The following PODXL variants were observed in gnomAD, a reference collection of about 807,000 sequenced individuals.
The protein encoded by PODXL is podocalyxin like.
PODXL carries 20 observed loss-of-function variants against 48.9 expected under a neutral mutation model. The observed-to-expected ratio is 0.41, with a 90% CI of 0.29 to 0.59. The LOEUF is 0.59. Among genes scored for constraint, PODXL ranks in the 20% least tolerant of loss-of-function variants. The pLI is 0.31. For missense variants in PODXL, 606 were observed against 675.1 expected, an observed-to-expected ratio of 0.90 and a Z score of 1.13; for synonymous variants, 295 against 287.4, an observed-to-expected ratio of 1.03 and a Z score of -0.27.
At chr7:131,536,322 G>T (rs1798373300) in intron 1 of PODXL, among the ~76,000 whole-genome samples, 1 of 152,202 alleles carries the variant, frequency 6.6e-6, no homozygotes, top group Non-Finnish European at 1.5e-5. Context: ...GGCATGACGG[G>T]TCCTTGGAGA....
Position 131,528,946 on chromosome 7 carries a change from G to A in PODXL, c.101-17513C>T, listed in dbSNP as rs148762840. 1.2e-4 allele frequency among the ~76,000 whole-genome samples: 18 copies of A among 152,244 alleles called. No individual in the cohort carries two copies. In the East Asian group the frequency reaches 3.5e-3, roughly 29 times the overall value. ...GTCTTGAGTTCAAGCATCGTGATGT[G>A]GGTTTACTTGAGCAGATAAGTTGGA... On this transcript the variant is annotated intron_variant, in intron 1 of 8. Transcript: ENST00000378555.
chr7:131,509,505 TCTC>T lies in PODXL; in HGVS notation c.880_882del (p.Glu294del). 1 of 1,611,990 alleles carries T rather than the reference TCTC, an allele frequency of 6.2e-7. No individual in the cohort carries two copies. Among genetic ancestry groups the T allele is most frequent in the Non-Finnish European group, 8.5e-7 (1 of 1,178,502 alleles). On this transcript the variant is annotated inframe_deletion, in exon 4 of 9. Coordinates refer to ENST00000378555, the MANE Select transcript of PODXL (RefSeq NM_001018111.3). ...GTTGCCGGGCTCGTGGGCTGCACTG[TCTC>T]CTGGGAGGAAGGGGCCGTAGAGCTG...
rs574923964 is a variant in PODXL, at chr7:131,508,552, T to C, written c.1101+399A>G. On this transcript the variant is annotated intron_variant, in intron 5 of 8. Transcript: ENST00000378555. The stretch of plus-strand genomic sequence containing the variant: ...GATTACAGGTGTAAGCCACCACACC[T>C]GGCCTCACCTCTCATTTTCAATTGA... 2.0e-5 allele frequency among the ~76,000 whole-genome samples: 3 copies of C among 152,202 alleles called. No homozygotes were observed. The South Asian group carries it at 6.2e-4, about 32-fold the overall frequency.
rs1208430846 is a variant in PODXL, at chr7:131,503,308, C to T, written c.*1003G>A. ...TTTCATACTGGGTCTCAGGGAATCA[C>T]TCCCATCAGCTGAGCAGTGAACAAC... On this transcript the variant is annotated 3_prime_UTR_variant, in exon 9 of 9. Coordinates refer to ENST00000378555, the MANE Select transcript of PODXL (RefSeq NM_001018111.3). 1 of 152,600 alleles carries T rather than the reference C, an allele frequency of 6.6e-6. No homozygotes were observed. The highest frequency in any genetic ancestry group is 1.5e-5 in the Non-Finnish European group (1 of 68,070). 9.5% of individuals were successfully genotyped at this position (152,600 alleles called of 1,614,324 possible).
chr7:131,532,931 A>T (rs1226901021), intron 1 of PODXL, among the ~76,000 whole-genome samples: 1 of 152,192 alleles, frequency 6.6e-6, no homozygotes, highest in Non-Finnish European at 1.5e-5. Context: ...ACCATGCCGG[A>T]ACCCTGATCT....
rs142411379 is a variant in PODXL at position 131,554,808 on chromosome 7, G to A, written c.100+1452C>T. Among the ~76,000 whole-genome samples the A allele has an allele frequency of 4.4e-3, 677 of 152,230 alleles. 2 individuals are homozygous for A. Among genetic ancestry groups the A allele is most frequent in the African/African-American group, 0.015 (641 of 41,538 alleles). Reference sequence around the variant, plus strand: ...TAAGAGGCTTCCCAACAAAAGGTTCGTATGAAGGCCCACCCTGAAGTCCAG... The same window carrying A: ...TAAGAGGCTTCCCAACAAAAGGTTCATATGAAGGCCCACCCTGAAGTCCAG... On this transcript the variant is annotated intron_variant, in intron 1 of 8. Transcript: ENST00000378555.
chr7:131,547,068 C>T (rs1243411436), intron 1 of PODXL, among the ~76,000 whole-genome samples: 3 of 152,098 alleles, frequency 2.0e-5, no homozygotes, highest in Admixed American at 1.3e-4. Context: ...AGGGCTGACG[C>T]CAATACAAGA....
At chr7:131,523,608 G>A (rs1354216052) in intron 1 of PODXL, among the ~76,000 whole-genome samples, 2 of 137,902 alleles carry the variant, frequency 1.5e-5, no homozygotes, top group Non-Finnish European at 3.1e-5. Context: ...CATGAACCCA[G>A]GCGGAGCTTG....
At chr7:131,546,875 C>G (rs888648468) in intron 1 of PODXL, among the ~76,000 whole-genome samples, 2 of 152,208 alleles carry the variant, frequency 1.3e-5, no homozygotes, top group African/African-American at 4.8e-5. Flanking sequence ...TAAGCCCACC[C>G]TGGCCACCTT....
chr7:131,542,118 G>A lies in PODXL; in HGVS notation c.100+14142C>T, dbSNP rs914482808. Among the ~76,000 whole-genome samples, 7 of 152,198 alleles carry A rather than the reference G, an allele frequency of 4.6e-5. No homozygotes were observed. The East Asian group carries it at 7.7e-4, about 17-fold the overall frequency. ...TGAAGTTTTGCAGGTCAGGAAAGGG[G>A]TCAGGTTTGCTTAGATCACACAAGA... On this transcript the variant is annotated intron_variant, in intron 1 of 8. Transcript: ENST00000378555.
rs1797807083 is a variant in PODXL at position 131,506,619 on chromosome 7, T to C, written c.1209A>G (p.Pro403=). 9 of 1,614,186 alleles carry C rather than the reference T, an allele frequency of 5.6e-6. No individual in the cohort carries two copies. Among genetic ancestry groups the C allele is most frequent in the South Asian group, 1.1e-5 (1 of 91,086 alleles). Residue 403 remains proline, a synonymous_variant, in exon 6 of 9, where the codon CCA becomes CCG. Coordinates refer to ENST00000378555, the MANE Select transcript of PODXL (RefSeq NM_001018111.3). ...CTTTGACGACCACGGTCTGACTTCCTGGAACAGATGCCAGCCGTATGCCGC... is the reference window on the plus strand; with the variant it reads ...CTTTGACGACCACGGTCTGACTTCCCGGAACAGATGCCAGCCGTATGCCGC... ...DKCGIRLASV[P]GSQTVVVKEI...
intron 1 of PODXL, among the ~76,000 whole-genome samples, chr7:131,522,618 C>A (rs1013050425): frequency 3.9e-5 from 6 of 152,106 alleles, no homozygotes; most frequent in Non-Finnish European, 7.4e-5. Context: ...TGAAGCCCAG[C>A]CTAACTCGTG....
chr7:131,506,756 C>T (rs756817962), intron 5 of PODXL, 30 bp from the exon 6 acceptor site: 26 of 1,610,722 alleles, frequency 1.6e-5, no homozygotes, highest in Admixed American at 5.0e-5. Flanking sequence ...GGTGACTCCG[C>T]GGGGAGCGTG....
intron 1 of PODXL, among the ~76,000 whole-genome samples, chr7:131,524,347 A>AAC (rs1222175582): frequency 1.5e-4 from 9 of 59,176 alleles, no homozygotes; most frequent in Admixed American, 2.3e-4. Flanking sequence ...TTCAATAGGA[A>AAC]ACACACACAC....
At position 131,527,803 on chromosome 7, in the gene PODXL, C is replaced by T. The variant is rs189565652; in HGVS notation, c.101-16370G>A. Among the ~76,000 whole-genome samples, 1,311 of 152,140 alleles carry T rather than the reference C, an allele frequency of 8.6e-3. 24 individuals carry two copies. Among genetic ancestry groups the T allele is most frequent in the African/African-American group, 0.028 (1,145 of 41,510 alleles). The stretch of plus-strand genomic sequence containing the variant: ...ATGCTTTCTTTGTGTATGTGTTCTC[C>T]TCCTACTGTTTCATAGGGTCCTTAA... On this transcript the variant is annotated intron_variant, in intron 1 of 8. Transcript: ENST00000378555.
intron 8 of PODXL, 109 bp downstream of exon 8, chr7:131,505,759 G>A: frequency 2.7e-6 from 3 of 1,096,830 alleles, no homozygotes; most frequent in East Asian, 5.2e-5. Flanking sequence ...CTGTTAGAAA[G>A]GGTCCAGGGC....
chr7:131,553,253 T>A (rs951930103), intron 1 of PODXL, among the ~76,000 whole-genome samples: 18 of 152,200 alleles, frequency 1.2e-4, no homozygotes, highest in African/African-American at 3.6e-4. Flanking sequence ...CTTTTAATTT[T>A]AAAATCCCTA....
rs989237737 is a variant in PODXL at position 131,502,540 on chromosome 7, G to A, written c.*1771C>T. ...CCTTTTAAAAAGTAAGCCATCCCGA[G>A]TGGATAGCCTATTTCATCAGAGCTA... On this transcript the variant is annotated 3_prime_UTR_variant, in exon 9 of 9. Transcript: ENST00000378555. The A allele has an allele frequency of 1.3e-5, 2 of 152,164 alleles. No homozygotes were observed. Among genetic ancestry groups the A allele is most frequent in the African/African-American group, 4.8e-5 (2 of 41,384 alleles). 9.4% of individuals were successfully genotyped at this position (152,164 alleles called of 1,614,324 possible).
Position 131,503,701 on chromosome 7 carries a change from G to GATCTC in PODXL, c.*609_*610insGAGAT. 1.3e-5 allele frequency: 2 copies of GATCTC among 155,386 alleles called. No homozygotes were observed. The highest frequency in any genetic ancestry group is 2.0e-4 in the South Asian group (1 of 5,004). 9.6% of individuals were successfully genotyped at this position (155,386 alleles called of 1,614,324 possible). A position where few individuals can be genotyped will look rare whatever the true frequency, so the allele number is the denominator to read the frequency against. On this transcript the variant is annotated 3_prime_UTR_variant, in exon 9 of 9. Transcript: ENST00000378555. ...TAAGTGGGAACAAACACTGAGTGTA[G>GATCTC]GGAGGGGTAAGAACATAGAGGGTGG... is the stretch of plus-strand genomic sequence containing the variant.
Sources: gnomAD v4.1 joint callset for allele counts (sites outside exome capture counted in the v4.1 genomes callset) on GRCh38, gnomAD v4.1.1 for gene constraint, MANE v1.5 for transcripts, NCBI Gene and HGNC (gene_info 2026-07-23, HGNC 2026-07-21) for gene names.